Variants in WDR25 observed in about 807,000 individuals in gnomAD.
The protein encoded by WDR25 is WD repeat domain 25.
A neutral mutation model predicts 47.7 loss-of-function variants in WDR25; 35 were observed. The ratio of observed to expected loss-of-function variants is 0.73; its 90% CI spans 0.56 to 0.97. The LOEUF (loss-of-function observed/expected upper bound fraction) is 0.97. WDR25 is among the 50% of genes least tolerant of loss of function. WDR25 has a pLI of 0.00. For missense variants in WDR25, 634 were observed against 704.7 expected, an observed-to-expected ratio of 0.90 and a Z score of 1.14; for synonymous variants, 248 against 278.9, an observed-to-expected ratio of 0.89 and a Z score of 1.10.
chr14:100,476,248 C>A (rs921796975), intron 3 of WDR25, among the ~76,000 whole-genome samples: 1 of 152,206 alleles, frequency 6.6e-6, no homozygotes, highest in African/African-American at 2.4e-5. Flanking sequence ...TCAGGCCAGA[C>A]CCTTCCCAGG....
intron 2 of WDR25, among the ~76,000 whole-genome samples, chr14:100,435,293 C>T (rs1308146665): frequency 2.6e-5 from 4 of 152,120 alleles, no homozygotes; most frequent in Admixed American, 1.3e-4. Context: ...GAGCAGGGCT[C>T]GCATCACCCT....
intron 3 of WDR25, among the ~76,000 whole-genome samples, chr14:100,470,556 G>A (rs1012977114): frequency 6.6e-6 from 1 of 152,194 alleles, no homozygotes; most frequent in Non-Finnish European, 1.5e-5. Flanking sequence ...TTCAAAGAGG[G>A]TCCTCCTGTC....
intron 2 of WDR25, among the ~76,000 whole-genome samples, chr14:100,394,089 A>G (rs374325347): frequency 1.3e-5 from 2 of 152,330 alleles, no homozygotes; most frequent in South Asian, 2.1e-4. Flanking sequence ...GGAAGGTATT[A>G]TCAAGAACTC....
At chr14:100,474,601 C>T (rs1353840922) in intron 3 of WDR25, among the ~76,000 whole-genome samples, 1 of 152,172 alleles carries the variant, frequency 6.6e-6, no homozygotes, top group Non-Finnish European at 1.5e-5. Context: ...TTCCGAGTTT[C>T]AGAAAACCAA....
chr14:100,382,021 T>C, intron 2 of WDR25: 1 of 701,906 alleles, frequency 1.4e-6, no homozygotes, highest in Non-Finnish European at 2.6e-6. Context: ...TGAGAGTGAT[T>C]AGTGGGAGAA....
intron 2 of WDR25, among the ~76,000 whole-genome samples, chr14:100,421,145 A>G (rs1344930941): frequency 1.3e-5 from 2 of 152,230 alleles, no homozygotes; most frequent in Non-Finnish European, 2.9e-5. Context: ...CAGACAGAGA[A>G]GAGGAAGAGT....
chr14:100,398,222 G>A (rs1403090149), intron 2 of WDR25, among the ~76,000 whole-genome samples: 2 of 152,180 alleles, frequency 1.3e-5, no homozygotes. Flanking sequence ...CCGCCTGACA[G>A]AGCCTTGCTT....
intron 4 of WDR25, among the ~76,000 whole-genome samples, chr14:100,515,232 T>A (rs904652856): frequency 6.6e-6 from 1 of 152,192 alleles, no homozygotes. Flanking sequence ...TATCTGTGAG[T>A]TTATAGTTTT....
intron 3 of WDR25, among the ~76,000 whole-genome samples, chr14:100,472,888 C>T (rs1040333619): frequency 3.9e-5 from 6 of 152,264 alleles, no homozygotes; most frequent in Admixed American, 6.5e-5. Flanking sequence ...CTATGGCCCT[C>T]TTCCTTCAGA....
intron 4 of WDR25, among the ~76,000 whole-genome samples, chr14:100,508,123 G>A (rs1277812213): frequency 6.6e-6 from 1 of 152,088 alleles, no homozygotes; most frequent in Non-Finnish European, 1.5e-5. Context: ...TTCATTATAT[G>A]TGAATCAACA....
chr14:100,528,548 G>T (rs1411061557), intron 5 of WDR25, among the ~76,000 whole-genome samples: 1 of 151,848 alleles, frequency 6.6e-6, no homozygotes, highest in Non-Finnish European at 1.5e-5. Flanking sequence ...TGGGATACAG[G>T]CGTGAGCCAC....
chr14:100,479,134 G>T (rs10873517), intron 3 of WDR25, among the ~76,000 whole-genome samples: 28,500 of 151,876 alleles, frequency 0.19, 3,468 homozygotes, highest in Non-Finnish European at 0.27. Flanking sequence ...GGTTGTGATG[G>T]TGGTCCCTGC....
chr14:100,519,556 A>G (rs1252145107), intron 4 of WDR25, among the ~76,000 whole-genome samples: 1 of 151,012 alleles, frequency 6.6e-6, no homozygotes, highest in East Asian at 1.9e-4. Context: ...TCCATAACAT[A>G]TGTTTAAGAA....
intron 4 of WDR25, among the ~76,000 whole-genome samples, chr14:100,494,922 T>A (rs1320670588): frequency 6.6e-6 from 1 of 152,174 alleles, no homozygotes; most frequent in Non-Finnish European, 1.5e-5. Flanking sequence ...GGAGGATTGC[T>A]TGAGGCCAGG....
intron 2 of WDR25, among the ~76,000 whole-genome samples, chr14:100,419,916 T>C (rs1399649336): frequency 6.6e-6 from 1 of 152,248 alleles, no homozygotes; most frequent in East Asian, 1.9e-4. Context: ...TTGTCTTTTC[T>C]AAAGAATTTG....
chr14:100,486,472 A>G (rs1900386582), intron 4 of WDR25, among the ~76,000 whole-genome samples: 1 of 152,160 alleles, frequency 6.6e-6, no homozygotes, highest in South Asian at 2.1e-4. Flanking sequence ...CTTTCTACCA[A>G]CAATCCTCCC....
intron 2 of WDR25, among the ~76,000 whole-genome samples, chr14:100,432,264 T>C (rs1294125701): frequency 1.3e-5 from 2 of 152,208 alleles, no homozygotes; most frequent in Non-Finnish European, 2.9e-5. Context: ...GAAAGGAAGA[T>C]ATCTTGCAGA....
intron 4 of WDR25, among the ~76,000 whole-genome samples, chr14:100,494,531 C>G (rs938445395): frequency 3.9e-5 from 6 of 152,182 alleles, no homozygotes; most frequent in Admixed American, 3.9e-4. Context: ...AAAGGAACTG[C>G]TATAAAAAGG....
rs78658666 is a variant in WDR25, at chr14:100,523,987, C to T, written c.1102-1883C>T. On this transcript the variant is annotated intron_variant, in intron 4 of 6. Coordinates refer to ENST00000402312, the MANE Select transcript of WDR25 (RefSeq NM_001161476.3). The surrounding 1 kb of genome is among the most constrained non-coding windows in gnomAD (Gnocchi z 4.7). ...AAGGCGAGTAAATCATGTTCGGTGG[C>T]GATCACTTCAAAGGCCAGCCTTCCA... Among the ~76,000 whole-genome samples the T allele has an allele frequency of 7.3e-3, 1,111 of 152,254 alleles. 15 individuals carry two copies. Among genetic ancestry groups the T allele is most frequent in the African/African-American group, 0.025 (1,057 of 41,538 alleles).
Sources: gnomAD v4.1 joint callset for allele counts (sites outside exome capture counted in the v4.1 genomes callset) on GRCh38, gnomAD v4.1.1 for gene constraint, Gnocchi (gnomAD v3.1) non-coding constraint, MANE v1.5 for transcripts, NCBI Gene and HGNC (gene_info 2026-07-23, HGNC 2026-07-21) for gene names.